LRIG3: variants seen among roughly 807,000 people sequenced by gnomAD.
LRIG3 encodes the protein leucine-rich repeats and immunoglobulin-like domains protein 3.
LRIG3 carries 76 observed loss-of-function variants against 114.5 expected under a neutral mutation model. That is an observed-to-expected ratio of 0.66 (90% CI 0.55 to 0.80). LRIG3 has a LOEUF of 0.80. LRIG3 is among the 30% of genes least tolerant of loss of function. LRIG3 has a pLI of 0.00. For missense variants in LRIG3, 1,239 were observed against 1,382.8 expected (o/e 0.90, Z 1.65); for synonymous variants, 512 against 519.8 (o/e 0.98, Z 0.20).
intron 11 of LRIG3, 101 bp downstream of exon 11, chr12:58,883,419 G>A (rs914230708): frequency 1.4e-6 from 1 of 718,184 alleles, no homozygotes; most frequent in African/African-American, 1.8e-5. Flanking sequence ...TGTTAAGAAT[G>A]TGCCAGGCAC....
At chr12:58,916,555 G>A (rs898121746) in intron 1 of LRIG3, among the ~76,000 whole-genome samples, 2 of 152,124 alleles carry the variant, frequency 1.3e-5, no homozygotes, top group African/African-American at 4.8e-5. Context: ...ACAGATTCAA[G>A]TTGTACAACG....
chr12:58,919,431 T>A, intron 1 of LRIG3: 2 of 1,551,644 alleles, frequency 1.3e-6, no homozygotes, highest in Non-Finnish European at 1.7e-6. Flanking sequence ...ACTTACGGTC[T>A]GCTAATGTGA....
At chr12:58,886,459 G>A (rs965145892) in intron 9 of LRIG3, among the ~76,000 whole-genome samples, 2 of 150,724 alleles carry the variant, frequency 1.3e-5, no homozygotes, top group Non-Finnish European at 2.9e-5. Context: ...AAATTCCTAC[G>A]GGGACAGTAC....
chr12:58,897,163 A>C (rs1871673162), intron 3 of LRIG3, among the ~76,000 whole-genome samples: 1 of 152,220 alleles, frequency 6.6e-6, no homozygotes, highest in South Asian at 2.1e-4. Flanking sequence ...ACACATGTTT[A>C]GACTGGTCCA....
At chr12:58,903,161 A>G (rs997923161) in intron 3 of LRIG3, among the ~76,000 whole-genome samples, 1 of 152,126 alleles carries the variant, frequency 6.6e-6, no homozygotes, top group Non-Finnish European at 1.5e-5. Context: ...CTTCCACTAG[A>G]GTTGAACTAG....
intron 3 of LRIG3, among the ~76,000 whole-genome samples, chr12:58,902,930 T>C (rs11172813): frequency 0.038 from 5,746 of 152,254 alleles, 364 homozygotes; most frequent in African/African-American, 0.13. Flanking sequence ...TAGTATTCCA[T>C]GGTGTATATG....
chr12:58,903,867 G>C (rs971335650), intron 3 of LRIG3, among the ~76,000 whole-genome samples: 6 of 152,054 alleles, frequency 3.9e-5, no homozygotes, highest in Non-Finnish European at 7.4e-5. Context: ...TCCAAGATCA[G>C]ATAGTTGTAG....
At chr12:58,881,450 A>G (rs1871126132) in intron 12 of LRIG3, among the ~76,000 whole-genome samples, 1 of 151,978 alleles carries the variant, frequency 6.6e-6, no homozygotes, top group Non-Finnish European at 1.5e-5. Flanking sequence ...GCTGATAGCA[A>G]AAGAAAAAGC....
intron 3 of LRIG3, among the ~76,000 whole-genome samples, chr12:58,906,764 G>C (rs991271202): frequency 1.3e-5 from 2 of 151,964 alleles, no homozygotes; most frequent in African/African-American, 4.8e-5. Context: ...ACAGCTCCAG[G>C]GGTCAATGGA....
At chr12:58,889,896 T>C in intron 5 of LRIG3, 100 bp downstream of exon 5, 8 of 1,416,158 alleles carry the variant, frequency 5.6e-6, no homozygotes, top group Non-Finnish European at 7.7e-6. Context: ...GCTACATCCT[T>C]GCTCCTAAAC....
upstream of LRIG3, chr12:58,920,504 C>CA: frequency 3.0e-6 from 1 of 337,308 alleles, no homozygotes; most frequent in Non-Finnish European, 5.3e-6. Context: ...TTCTTGTCTG[C>CA]AAAAGAAACT....
chr12:58,875,913 G>A (rs549862954), intron 16 of LRIG3, among the ~76,000 whole-genome samples: 30 of 152,304 alleles, frequency 2.0e-4, no homozygotes, highest in Non-Finnish European at 3.1e-4. Context: ...TTAGCCAGGC[G>A]TGGTGGCATG....
rs552180214 is a variant in LRIG3, at chr12:58,878,291, T to G, written c.2084-439A>C. On this transcript the variant is annotated intron_variant, in intron 14 of 18. Coordinates refer to ENST00000320743, the MANE Select transcript of LRIG3 (RefSeq NM_153377.5). The stretch of plus-strand genomic sequence containing the variant: ...TATTAAAACTCTGACAATAATTTAC[T>G]TTTATTATTTAGTATCTTAATAGGT... Among the ~76,000 whole-genome samples, 10 of 152,364 alleles carry G rather than the reference T, an allele frequency of 6.6e-5. No individual in the cohort carries two copies. The East Asian group carries it at 1.9e-3, about 29-fold the overall frequency.
intron 10 of LRIG3, 107 bp from the exon 11 acceptor site, chr12:58,883,698 C>A: frequency 3.2e-6 from 2 of 633,176 alleles, no homozygotes; most frequent in East Asian, 2.8e-5. Context: ...ACAAATACTC[C>A]CTCTATGTGT....
In LRIG3 at chr12:58,888,234, T is replaced by C. The variant is rs1871340236; in HGVS notation, c.947+95A>G. On this transcript the variant is annotated intron_variant, in intron 7 of 18. Coordinates refer to ENST00000320743, the MANE Select transcript of LRIG3 (RefSeq NM_153377.5). ...AAAAAAGCTGTCACCTTGGAAACTT[T>C]GTTATGAAAATTTCACAGATCAGTG... The C allele has an allele frequency of 2.7e-5, 39 of 1,440,556 alleles. No homozygotes were observed. In the South Asian group the frequency reaches 5.5e-4, roughly 20 times the overall value. 89.2% of individuals were successfully genotyped at this position (1,440,556 alleles called of 1,614,324 possible).
chr12:58,887,656 C>G (rs1871318681), intron 8 of LRIG3, 133 bp downstream of exon 8: 1 of 912,454 alleles, frequency 1.1e-6, no homozygotes, highest in East Asian at 2.4e-5. Flanking sequence ...TCAAACTGAT[C>G]TGGGAAAGAT....
At chr12:58,885,319 T>C (rs968083902) in intron 10 of LRIG3, among the ~76,000 whole-genome samples, 2 of 152,178 alleles carry the variant, frequency 1.3e-5, no homozygotes, top group African/African-American at 4.8e-5. Context: ...CCTATGTCAC[T>C]CTTAAGGATT....
chr12:58,888,692 C>T (rs1443597918), intron 6 of LRIG3, 127 bp downstream of exon 6: 5 of 1,374,988 alleles, frequency 3.6e-6, no homozygotes, highest in African/African-American at 2.9e-5. Flanking sequence ...AAACTGAATA[C>T]TGACTTATAA....
rs764298761 is a variant in LRIG3 at position 58,878,947 on chromosome 12, C to G, written c.1960G>C (p.Val654Leu). The G allele has an allele frequency of 6.2e-7, 1 of 1,614,142 alleles. No homozygotes were observed. The highest frequency in any genetic ancestry group is 8.5e-7 in the Non-Finnish European group (1 of 1,179,974). The part of the protein sequence containing the change: ...FPAARERRMH[V>L]MPEDDVFFIV... Reference sequence around the variant, plus strand: ...AAGAACACGTCATCCTCGGGCATCACATGCATGCGTCTCTCCCGTGCAGCT... The same window carrying G: ...AAGAACACGTCATCCTCGGGCATCAGATGCATGCGTCTCTCCCGTGCAGCT... The change falls in exon 14 of 19, where the codon GTG becomes CTG. Residue 654 changes from valine to leucine, a missense_variant. Val to Leu is a conservative substitution (Grantham distance 32). Coordinates refer to ENST00000320743, the MANE Select transcript of LRIG3 (RefSeq NM_153377.5).
Sources: allele counts gnomAD v4.1 joint callset (sites outside exome capture counted in the v4.1 genomes callset), GRCh38; gene constraint gnomAD v4.1.1; transcripts MANE v1.5; gene names NCBI Gene and HGNC (gene_info 2026-07-23, HGNC 2026-07-21).